SLC6A9: variants seen among roughly 807,000 people sequenced by gnomAD.
SLC6A9 encodes sodium- and chloride-dependent glycine transporter 1.
Under a neutral mutation model 70.9 loss-of-function variants are expected in SLC6A9, and 31 were observed. The ratio of observed to expected loss-of-function variants is 0.44; its 90% CI spans 0.33 to 0.59. The LOEUF is 0.59. Among genes scored for constraint, SLC6A9 ranks in the 20% least tolerant of loss-of-function variants. SLC6A9 has a pLI of 0.04. For synonymous variants in SLC6A9, 310 were observed against 341.3 expected, an observed-to-expected ratio of 0.91 and a Z score of 1.01; for missense variants, 631 against 845.2, an observed-to-expected ratio of 0.75 and a Z score of 3.14.
At chr1:44,025,491 C>CAAA (rs924105808) in intron 1 of SLC6A9, among the ~76,000 whole-genome samples, 165 of 93,232 alleles carry the variant, frequency 1.8e-3, no homozygotes, top group African/African-American at 5.5e-3. Flanking sequence ...GGTTCCGTCT[C>CAAA]AAAAAAAAAA....
At position 44,013,445 on chromosome 1, in the gene SLC6A9, T is replaced by G. The variant is rs1437503503; in HGVS notation, c.31-2563A>C. Among the ~76,000 whole-genome samples the G allele has an allele frequency of 6.6e-6, 1 of 152,214 alleles. No homozygotes were observed. On this transcript the variant is annotated intron_variant, in intron 2 of 13. Coordinates refer to ENST00000372310, the MANE Select transcript of SLC6A9 (RefSeq NM_001024845.3). The surrounding 1 kb of genome is among the most constrained non-coding windows in gnomAD (Gnocchi z 5.3). The stretch of plus-strand genomic sequence containing the variant: ...TTAATGAGCCGTGTGCTAACCAGCT[T>G]AGCCGTGCGGGCTGTAACCCAGGGA...
intron 5 of SLC6A9, among the ~76,000 whole-genome samples, chr1:44,007,100 C>T (rs1443945803): frequency 1.3e-5 from 2 of 152,208 alleles, no homozygotes; most frequent in East Asian, 3.8e-4. Context: ...GGCCTCTGCT[C>T]ACCTGCTCAT....
rs779853260 is a variant in SLC6A9, at chr1:44,018,494, T to A, written c.30+5754A>T. Among the ~76,000 whole-genome samples the A allele has an allele frequency of 4.0e-5, 6 of 151,894 alleles. No individual in the cohort carries two copies. Among genetic ancestry groups the A allele is most frequent in the Non-Finnish European group, 7.4e-5 (5 of 67,984 alleles). ...CTGTAATCCCAGCTACTCGGGAGGCTGAGGCGGGAGAATCGCTTGAACCCG... is the reference window on the plus strand; with the variant it reads ...CTGTAATCCCAGCTACTCGGGAGGCAGAGGCGGGAGAATCGCTTGAACCCG... On this transcript the variant is annotated intron_variant, in intron 2 of 13. Coordinates refer to ENST00000372310, the MANE Select transcript of SLC6A9 (RefSeq NM_001024845.3). The surrounding 1 kb of genome is among the most constrained non-coding windows in gnomAD (Gnocchi z 4.2).
At chr1:44,017,648 C>A (rs1247816510) in intron 2 of SLC6A9, among the ~76,000 whole-genome samples, 1 of 152,206 alleles carries the variant, frequency 6.6e-6, no homozygotes, top group African/African-American at 2.4e-5. Context: ...CTGGGAGAAA[C>A]CAAGCCCTAG....
chr1:43,998,405 C>T (rs536058294), intron 12 of SLC6A9, among the ~76,000 whole-genome samples: 7 of 152,262 alleles, frequency 4.6e-5, no homozygotes, highest in African/African-American at 1.2e-4. Context: ...ATTGTCTTGC[C>T]GGCCACACTA....
intron 1 of SLC6A9, among the ~76,000 whole-genome samples, chr1:44,030,008 C>A (rs1241717394): frequency 2.0e-5 from 3 of 152,212 alleles, no homozygotes; most frequent in Non-Finnish European, 4.4e-5. Context: ...GCGCTTTGTG[C>A]GGAAGCTGTC....
At chr1:44,008,169 C>T (rs2086389975) in intron 5 of SLC6A9, among the ~76,000 whole-genome samples, 184 bp downstream of exon 5, 1 of 152,150 alleles carries the variant, frequency 6.6e-6, no homozygotes, top group South Asian at 2.1e-4. Context: ...TGCCCGGCCT[C>T]CATCTTCCAT....
intron 12 of SLC6A9, among the ~76,000 whole-genome samples, chr1:43,999,985 C>T (rs951716290): frequency 6.6e-6 from 1 of 152,228 alleles, no homozygotes; most frequent in Non-Finnish European, 1.5e-5. Context: ...AGAGGTGTTT[C>T]TAGTGTGGCG....
chr1:44,017,355 A>G, intron 2 of SLC6A9: 1 of 1,327,960 alleles, frequency 7.5e-7, no homozygotes, highest in Non-Finnish European at 9.6e-7. Context: ...TGTTCCCAGC[A>G]AGTAACTGGA....
intron 2 of SLC6A9, among the ~76,000 whole-genome samples, chr1:44,012,353 C>T (rs2086601033): frequency 6.6e-6 from 1 of 152,256 alleles, no homozygotes; most frequent in African/African-American, 2.4e-5. Flanking sequence ...CACTGCAGCA[C>T]AGACACCTTT....
chr1:44,006,040 A>G (rs1171366315), intron 5 of SLC6A9, among the ~76,000 whole-genome samples: 2 of 152,212 alleles, frequency 1.3e-5, no homozygotes, highest in Non-Finnish European at 2.9e-5. Context: ...TCTGGCAGTC[A>G]GTCCCTGGGA....
rs548548058 is a variant in SLC6A9 at position 44,011,318 on chromosome 1, G to A, written c.31-436C>T. ...TGTCCAGACAGCCCCCCCACCCGTC[G>A]CCTACCACATCACCAGGCTGAGCAC... On this transcript the variant is annotated intron_variant, in intron 2 of 13. Transcript: ENST00000372310. Among the ~76,000 whole-genome samples, 85 of 152,228 alleles carry A rather than the reference G, an allele frequency of 5.6e-4. 1 individual carries two copies. Among genetic ancestry groups the A allele is most frequent in the Non-Finnish European group, 9.1e-4 (62 of 68,000 alleles).
intron 2 of SLC6A9, among the ~76,000 whole-genome samples, chr1:44,014,100 C>A (rs2086662150): frequency 6.6e-6 from 1 of 152,116 alleles, no homozygotes; most frequent in South Asian, 2.1e-4. Flanking sequence ...GGCTCTGCTC[C>A]AGGCTTCTCC....
intron 1 of SLC6A9, among the ~76,000 whole-genome samples, chr1:44,024,963 G>A (rs1445984731): frequency 5.3e-5 from 8 of 152,214 alleles, no homozygotes; most frequent in Non-Finnish European, 8.8e-5. Context: ...CGGGCTAAAT[G>A]TCACCTCTTC....
At chr1:44,021,846 G>T (rs534627956) in intron 2 of SLC6A9, among the ~76,000 whole-genome samples, 26 of 152,390 alleles carry the variant, frequency 1.7e-4, no homozygotes, top group African/African-American at 5.5e-4. Flanking sequence ...CTCAGAGGCT[G>T]TGTCTAGAGA....
Position 44,001,247 on chromosome 1 carries a change from C to T in SLC6A9, c.1252G>A (p.Glu418Lys), listed in dbSNP as rs779497527. The stretch of plus-strand genomic sequence containing the variant: ...TAGGTCTTTTTCTGCAGGATCCACT[C>T]ATTCCCCACCTCATCCACAATGGCT... ...VTAIVDEVGN[E>K]WILQKKTYVT... The change falls in exon 10 of 14, where the codon GAG becomes AAG. Residue 418 changes from glutamate to lysine, a missense_variant. By Grantham distance (56) the Glu-to-Lys change is moderately conservative. Coordinates refer to ENST00000372310, the MANE Select transcript of SLC6A9 (RefSeq NM_001024845.3). 1.2e-6 allele frequency: 2 copies of T among 1,614,240 alleles called. No homozygotes were observed. The highest frequency in any genetic ancestry group is 2.2e-5 in the East Asian group (1 of 44,878).
chr1:43,998,098 C>T, intron 12 of SLC6A9, 73 bp from the exon 13 acceptor site: 1 of 1,381,584 alleles, frequency 7.2e-7, no homozygotes, highest in South Asian at 1.4e-5. Flanking sequence ...CCTCTACCAG[C>T]ACCCTTTCCT....
rs149595063 is a variant in SLC6A9 at position 44,013,906 on chromosome 1, G to A, written c.31-3024C>T. Among the ~76,000 whole-genome samples, 20 of 152,050 alleles carry A rather than the reference G, an allele frequency of 1.3e-4. No individual in the cohort carries two copies. The East Asian group carries it at 3.9e-3, about 29-fold the overall frequency. On this transcript the variant is annotated intron_variant, in intron 2 of 13. Coordinates refer to ENST00000372310, the MANE Select transcript of SLC6A9 (RefSeq NM_001024845.3). The surrounding 1 kb of genome is among the most constrained non-coding windows in gnomAD (Gnocchi z 5.3). ...TGTATGGCTTTTTTTCTCCCTCCTT[G>A]CATAATCTTTCCTATTCTAAGCCTC...
chr1:44,030,043 T>G (rs1039580888), intron 1 of SLC6A9, among the ~76,000 whole-genome samples: 2 of 152,110 alleles, frequency 1.3e-5, no homozygotes, highest in Non-Finnish European at 2.9e-5. Flanking sequence ...CCGTCTCCTT[T>G]AAGAGTGATC....
Sources: allele counts gnomAD v4.1 joint callset (sites outside exome capture counted in the v4.1 genomes callset), GRCh38; gene constraint gnomAD v4.1.1; non-coding constraint Gnocchi (gnomAD v3.1); transcripts MANE v1.5; gene names NCBI Gene and HGNC (gene_info 2026-07-23, HGNC 2026-07-21).